Variants in ZBTB11 observed in about 807,000 individuals in gnomAD.
ZBTB11 encodes zinc finger and BTB domain containing 11.
In ZBTB11, 68 loss-of-function variants were observed where a neutral mutation model predicts 113.1. The ratio of observed to expected loss-of-function variants is 0.60; its 90% CI spans 0.49 to 0.74. The LOEUF (loss-of-function observed/expected upper bound fraction) is 0.74, where lower values mean the gene tolerates loss of function less well. Among genes scored for constraint, ZBTB11 ranks in the 30% least tolerant of loss-of-function variants. The pLI is 0.00. For synonymous variants in ZBTB11, 518 were observed against 452.6 expected (o/e 1.14, Z -1.83); for missense variants, 1,104 against 1,279.4 (o/e 0.86, Z 2.09).
In ZBTB11 at chr3:101,660,030, TAAAAG is replaced by T; in HGVS notation, c.1801-7_1801-3del. 6.2e-7 allele frequency: 1 copy of T among 1,605,354 alleles called. No homozygotes were observed. The highest frequency in any genetic ancestry group is 8.5e-7 in the Non-Finnish European group (1 of 1,174,064). On this transcript the variant is annotated splice_region_variant and splice_polypyrimidine_tract_variant and intron_variant, in intron 5 of 10. Transcript: ENST00000312938. ...GTACTGAAACTGTTTTTTACACAAC[TAAAAG>T]AAAAATAAAATTCTCTCTAAATGTA...
chr3:101,676,474 G>A, intron 1 of ZBTB11, 131 bp downstream of exon 1: 4 of 962,756 alleles, frequency 4.2e-6, no homozygotes, highest in East Asian at 3.3e-5. Context: ...TCTCGGCTCC[G>A]CCTGGCAGCA....
Position 101,659,915 on chromosome 3 carries a change from C to T in ZBTB11, c.1914G>A (p.Ser638=), listed in dbSNP as rs777635708. ...SSSNSTSNEA[S]GTSSEKGRTK... ...TTCTGCCCTTCTCAGATGATGTTCC[C>T]GATGCTTCATTAGACGTGGAATTGG... is the stretch of plus-strand genomic sequence containing the variant. Residue 638 remains serine (S), a synonymous_variant, in exon 6 of 11, where the codon TCG becomes TCA. Transcript: ENST00000312938. 1.2e-5 allele frequency: 19 copies of T among 1,613,978 alleles called. No homozygotes were observed. The highest frequency in any genetic ancestry group is 6.7e-5 in the African/African-American group (5 of 74,906).
At chr3:101,664,130 C>G (rs1297474183) in intron 5 of ZBTB11, among the ~76,000 whole-genome samples, 2 of 152,120 alleles carry the variant, frequency 1.3e-5, no homozygotes, top group East Asian at 3.9e-4. Context: ...ACTACTAATT[C>G]CTGAGACATT....
At position 101,652,884 on chromosome 3, in the gene ZBTB11, A is replaced by G. The variant is rs1936728174; in HGVS notation, c.2364T>C (p.His788=). 1.9e-6 allele frequency: 3 copies of G among 1,613,974 alleles called. No individual in the cohort carries two copies. The highest frequency in any genetic ancestry group is 2.5e-6 in the Non-Finnish European group (3 of 1,179,982). Residue 788 remains histidine (H), a synonymous_variant, in exon 9 of 11, where the codon CAT becomes CAC. Transcript: ENST00000312938. Reference sequence around the variant, plus strand: ...GGCACTGGAATGGCTTCACACCAAGATGTTTGTTCATGTGCTGGCGAAGAT... The same window carrying G: ...GGCACTGGAATGGCTTCACACCAAGGTGTTTGTTCATGTGCTGGCGAAGAT... The part of the protein sequence containing the change: ...ARDLRQHMNK[H]LGVKPFQCQF...
intron 3 of ZBTB11, among the ~76,000 whole-genome samples, chr3:101,667,460 C>T (rs1162284615): frequency 6.6e-6 from 1 of 152,034 alleles, no homozygotes. Flanking sequence ...CAATTGAGAG[C>T]CATATTTGCT....
At chr3:101,664,457 G>T in intron 5 of ZBTB11, 81 bp downstream of exon 5, 1 of 1,361,986 alleles carries the variant, frequency 7.3e-7, no homozygotes, top group Non-Finnish European at 1.0e-6. Context: ...TAGAATACAA[G>T]CGAAAAGATA....
chr3:101,661,352 T>C (rs1265704652), intron 5 of ZBTB11, among the ~76,000 whole-genome samples: 1 of 152,200 alleles, frequency 6.6e-6, no homozygotes, highest in South Asian at 2.1e-4. Context: ...TTGGACTCTG[T>C]TGAACTGGAT....
At chr3:101,664,781 A>G in intron 4 of ZBTB11, 67 bp from the exon 5 acceptor site, 2 of 1,504,350 alleles carry the variant, frequency 1.3e-6, no homozygotes, top group South Asian at 2.7e-5. Context: ...GTCATGTTGT[A>G]AATTTCTAAC....
At chr3:101,666,569 T>C (rs980713684) in intron 3 of ZBTB11, among the ~76,000 whole-genome samples, 2 of 152,164 alleles carry the variant, frequency 1.3e-5, no homozygotes, top group Admixed American at 6.5e-5. Context: ...CAAGGTCAGT[T>C]TCTTTTCTAA....
Position 101,654,685 on chromosome 3 carries a change from T to A in ZBTB11, c.2309+19A>T, listed in dbSNP as rs986876252. On this transcript the variant is annotated intron_variant, in intron 8 of 10. Coordinates refer to ENST00000312938, the MANE Select transcript of ZBTB11 (RefSeq NM_014415.4). ...AACATAATTAAATTAACTGAATGCC[T>A]CACATATTGAATACTTACTGAGTAC... 2.5e-6 allele frequency: 4 copies of A among 1,577,382 alleles called. No homozygotes were observed. The highest frequency in any genetic ancestry group is 1.4e-5 in the African/African-American group (1 of 73,688).
intron 3 of ZBTB11, among the ~76,000 whole-genome samples, chr3:101,667,398 C>T (rs1285015627): frequency 6.6e-6 from 1 of 152,174 alleles, no homozygotes; most frequent in Non-Finnish European, 1.5e-5. Context: ...ACATACTTTT[C>T]TGCACTTTGC....
In ZBTB11 at chr3:101,660,004, T is replaced by A; in HGVS notation, c.1825A>T (p.Ser609Cys). ...ATAAGATGTGCTCGCAAAGAGGCAC[T>A]GTACTGAAACTGTTTTTTACACAAC... ...CPLCKKQFQY[S>C]ASLRAHLIRH... Residue 609 changes from serine to cysteine, a missense_variant, in exon 6 of 11, where the codon AGT (serine) becomes TGT (cysteine). Ser to Cys is a moderately radical substitution (Grantham distance 112). Coordinates refer to ENST00000312938, the MANE Select transcript of ZBTB11 (RefSeq NM_014415.4). 1.2e-6 allele frequency: 2 copies of A among 1,614,156 alleles called. No individual in the cohort carries two copies. The highest frequency in any genetic ancestry group is 2.2e-5 in the South Asian group (2 of 91,084).
At chr3:101,661,594 T>C (rs1032570454) in intron 5 of ZBTB11, among the ~76,000 whole-genome samples, 1 of 152,252 alleles carries the variant, frequency 6.6e-6, no homozygotes, top group Non-Finnish European at 1.5e-5. Context: ...CTAGTTTCTG[T>C]TGCTGTTGTT....
At position 101,648,945 on chromosome 3, in the gene ZBTB11, T is replaced by C. The variant is rs1936649418; in HGVS notation, c.*2221A>G. The C allele has an allele frequency of 1.3e-5, 2 of 152,176 alleles. No homozygotes were observed. Among genetic ancestry groups the C allele is most frequent in the Non-Finnish European group, 2.9e-5 (2 of 68,052 alleles). 9.4% of individuals were successfully genotyped at this position (152,176 alleles called of 1,614,324 possible). A position where few individuals can be genotyped will look rare whatever the true frequency, so the allele number is the denominator to read the frequency against. The stretch of plus-strand genomic sequence containing the variant: ...ATTGAAGGATGGTAAATGCAGGGGA[T>C]TTTATTGCTGGATAAAGGTGGCTCT... On this transcript the variant is annotated 3_prime_UTR_variant, in exon 11 of 11. Transcript: ENST00000312938.
chr3:101,661,967 T>C (rs1320498634), intron 5 of ZBTB11: 1 of 152,042 alleles, frequency 6.6e-6, no homozygotes, highest in African/African-American at 2.4e-5. Flanking sequence ...TTTTCTGAGA[T>C]TTTTTATATG....
At chr3:101,653,290 A>G (rs1936738093) in intron 8 of ZBTB11, among the ~76,000 whole-genome samples, 1 of 152,178 alleles carries the variant, frequency 6.6e-6, no homozygotes, top group African/African-American at 2.4e-5. Context: ...GATAGAGCAA[A>G]TGACTTGGGC....
rs201114038 is a variant in ZBTB11 at position 101,671,093 on chromosome 3, T to C, written c.778+37A>G. ...CATATCCCCCTCTTCTAGAATGTCA[T>C]TACAAACAAAAAGCAAGAGTAATAC... On this transcript the variant is annotated intron_variant, in intron 3 of 10. Transcript: ENST00000312938. The C allele has an allele frequency of 9.0e-6, 14 of 1,561,450 alleles. No homozygotes were observed. The African/African-American group carries it at 1.4e-4, about 15-fold the overall frequency.
At chr3:101,669,918 TC>T (rs368171582) in intron 3 of ZBTB11, among the ~76,000 whole-genome samples, 64 of 151,504 alleles carry the variant, frequency 4.2e-4, no homozygotes, top group African/African-American at 1.5e-3. Context: ...AACGTCCACC[TC>T]CCAGGTTCAA....
At chr3:101,654,631 T>C (rs1311691557) in intron 8 of ZBTB11, 73 bp downstream of exon 8, 1 of 1,294,152 alleles carries the variant, frequency 7.7e-7, no homozygotes, top group East Asian at 2.3e-5. Context: ...TAATATTATC[T>C]TCAAATATTT....
Sources: gnomAD v4.1 joint callset for allele counts (sites outside exome capture counted in the v4.1 genomes callset) on GRCh38, gnomAD v4.1.1 for gene constraint, MANE v1.5 for transcripts, NCBI Gene and HGNC (gene_info 2026-07-23, HGNC 2026-07-21) for gene names.